Variants in LRFN2 observed in about 807,000 individuals in gnomAD.
The protein encoded by LRFN2 is leucine-rich repeat and fibronectin type-III domain-containing protein 2.
LRFN2 carries 18 observed loss-of-function variants against 37.3 expected under a neutral mutation model. That is an observed-to-expected ratio of 0.48 (90% CI 0.33 to 0.72). The LOEUF (loss-of-function observed/expected upper bound fraction) is 0.72. Among genes scored for constraint, LRFN2 ranks in the 30% least tolerant of loss-of-function variants. The pLI is 0.02. For missense variants in LRFN2, 1,006 were observed against 1,060.7 expected (o/e 0.95, Z 0.72); for synonymous variants, 556 against 466.6 (o/e 1.19, Z -2.47).
intron 1 of LRFN2, among the ~76,000 whole-genome samples, chr6:40,444,371 T>C (rs1420336043): frequency 4.6e-5 from 7 of 152,132 alleles, no homozygotes; most frequent in Admixed American, 3.3e-4. Context: ...TAAATATGAA[T>C]TCAATTTGGT....
intron 2 of LRFN2, among the ~76,000 whole-genome samples, chr6:40,396,813 C>T (rs1219998938): frequency 6.6e-6 from 1 of 151,968 alleles, no homozygotes; most frequent in Non-Finnish European, 1.5e-5. Flanking sequence ...AGCCAGCTAA[C>T]TCAAAACAGC....
chr6:40,580,383 C>G (rs956271516), intron 1 of LRFN2, among the ~76,000 whole-genome samples: 1 of 152,028 alleles, frequency 6.6e-6, no homozygotes, highest in Admixed American at 6.6e-5. Context: ...ATCTGGTCAC[C>G]CTTTGTCTGT....
intron 1 of LRFN2, among the ~76,000 whole-genome samples, chr6:40,491,773 A>T (rs1389974459): frequency 2.1e-4 from 9 of 42,212 alleles, no homozygotes; most frequent in African/African-American, 9.7e-4. Flanking sequence ...TGTTTCCCTC[A>T]CTCTATTTTG....
chr6:40,522,483 G>A (rs1766108684), intron 1 of LRFN2, among the ~76,000 whole-genome samples: 1 of 152,154 alleles, frequency 6.6e-6, no homozygotes, highest in Non-Finnish European at 1.5e-5. Context: ...GAAGTGGGTA[G>A]GTGAGGCAGA....
At chr6:40,567,401 G>A (rs759371849) in intron 1 of LRFN2, among the ~76,000 whole-genome samples, 6 of 152,154 alleles carry the variant, frequency 3.9e-5, no homozygotes, top group Non-Finnish European at 5.9e-5. Context: ...GACTGATGCT[G>A]CCTTGGCTAA....
Position 40,505,711 on chromosome 6 carries a change from G to A in LRFN2, c.-18-72580C>T, listed in dbSNP as rs189761978. On this transcript the variant is annotated intron_variant, in intron 1 of 2. Transcript: ENST00000338305. ...GCCTAGGGCAGGGGCCTCTAGGGTG[G>A]CACTCAGTGGAGTTGGCTGTGGGAC... Among the ~76,000 whole-genome samples, 624 of 152,242 alleles carry A rather than the reference G, an allele frequency of 4.1e-3. 3 individuals are homozygous for A. Among genetic ancestry groups the A allele is most frequent in the Middle Eastern group, 0.01 (3 of 294 alleles).
chr6:40,478,120 C>T (rs1764748274), intron 1 of LRFN2, among the ~76,000 whole-genome samples: 1 of 152,126 alleles, frequency 6.6e-6, no homozygotes, highest in Admixed American at 6.5e-5. Context: ...TGCCAGGACG[C>T]ACCCCTGCTG....
intron 1 of LRFN2, among the ~76,000 whole-genome samples, chr6:40,494,979 C>G (rs1217330981): frequency 6.6e-6 from 1 of 152,222 alleles, no homozygotes; most frequent in Non-Finnish European, 1.5e-5. Flanking sequence ...AATCCCCAAC[C>G]CTGGTTAAAC....
chr6:40,392,102 G>C lies in LRFN2; in HGVS notation c.2211C>G (p.Val737=), dbSNP rs1297527229. The change falls in exon 3 of 3, where the codon GTC becomes GTG. Residue 737 remains valine (V), a synonymous_variant. Coordinates refer to ENST00000338305, the MANE Select transcript of LRFN2 (RefSeq NM_020737.3). The surrounding 1 kb of genome is among the most constrained non-coding windows in gnomAD (Gnocchi z 4.7). ...GAGGAGGACTGTAGCCGCCCGGCAC[G>C]ACCCCTCCCGCCGCCGCAGCAGCAA... ...GDFAAAAAGG[V]VPGGYSPPRK... is the part of the protein sequence containing the mutation. 1.9e-6 allele frequency: 3 copies of C among 1,613,192 alleles called. No homozygotes were observed. The highest frequency in any genetic ancestry group is 2.2e-5 in the East Asian group (1 of 44,866).
At chr6:40,436,624 T>C (rs1360356740) in intron 1 of LRFN2, among the ~76,000 whole-genome samples, 1 of 151,940 alleles carries the variant, frequency 6.6e-6, no homozygotes. Context: ...CTCACCAAGC[T>C]CCCACCTAAG....
intron 1 of LRFN2, among the ~76,000 whole-genome samples, chr6:40,532,532 A>G (rs1232810647): frequency 6.6e-6 from 1 of 152,208 alleles, no homozygotes; most frequent in Non-Finnish European, 1.5e-5. Flanking sequence ...AGGAAGTGGC[A>G]TAGTTGAAGA....
intron 1 of LRFN2, among the ~76,000 whole-genome samples, chr6:40,487,827 G>A (rs2113867814): frequency 6.6e-6 from 1 of 152,326 alleles, no homozygotes; most frequent in East Asian, 1.9e-4. Flanking sequence ...GAGGTATCCT[G>A]TGCCTTTCAT....
chr6:40,512,770 G>A (rs1456583808), intron 1 of LRFN2, among the ~76,000 whole-genome samples: 10 of 152,200 alleles, frequency 6.6e-5, no homozygotes, highest in Non-Finnish European at 1.5e-4. Flanking sequence ...AGAGACACAC[G>A]TCCTTTATGC....
chr6:40,571,433 G>C (rs1295031367), intron 1 of LRFN2, among the ~76,000 whole-genome samples: 1 of 152,186 alleles, frequency 6.6e-6, no homozygotes, highest in Non-Finnish European at 1.5e-5. Context: ...CACCCACCAT[G>C]GGAAAGCAGT....
intron 1 of LRFN2, among the ~76,000 whole-genome samples, chr6:40,527,795 T>C (rs1766279081): frequency 6.6e-6 from 1 of 152,218 alleles, no homozygotes; most frequent in Non-Finnish European, 1.5e-5. Context: ...CTTAAGGCAT[T>C]TGAAACTACG....
At chr6:40,584,951 A>G (rs1439689752) in intron 1 of LRFN2, among the ~76,000 whole-genome samples, 12 of 151,756 alleles carry the variant, frequency 7.9e-5, no homozygotes. Context: ...TTTTCTTCCC[A>G]TCTATCTTGC....
chr6:40,523,505 ATTTTTTTTTTTT>A (rs751179915), intron 1 of LRFN2, among the ~76,000 whole-genome samples: 5 of 129,320 alleles, frequency 3.9e-5, no homozygotes, highest in African/African-American at 5.6e-5. Flanking sequence ...TCTTTAGGTG[ATTTTTTTTTTTT>A]TTTTTTTTTT....
intron 1 of LRFN2, among the ~76,000 whole-genome samples, chr6:40,546,443 G>T (rs1232460015): frequency 2.6e-5 from 4 of 152,292 alleles, no homozygotes; most frequent in Non-Finnish European, 4.4e-5. Flanking sequence ...CCTGATTCAG[G>T]TTTATTAGGG....
In LRFN2 at chr6:40,392,621, G is replaced by T. The variant is rs1486098002; in HGVS notation, c.1692C>A (p.Ala564=). Residue 564 remains alanine (A), a synonymous_variant, in exon 3 of 3, where the codon GCC becomes GCA. Transcript: ENST00000338305. The surrounding 1 kb of genome is among the most constrained non-coding windows in gnomAD (Gnocchi z 4.7). ...TCACGGCCGCTGCCATCTTGCTGGG[G>T]GCCTCGTGGTTGCAGACCTTGTAGC... is the stretch of plus-strand genomic sequence containing the variant. ...MVRYKVCNHE[A]PSKMAAAVSN... is the part of the protein sequence containing the mutation. 2 of 1,610,978 alleles carry T rather than the reference G, an allele frequency of 1.2e-6. No individual in the cohort carries two copies. Among genetic ancestry groups the T allele is most frequent in the Admixed American group, 3.3e-5 (2 of 60,034 alleles).
Sources: gnomAD v4.1 joint callset for allele counts (sites outside exome capture counted in the v4.1 genomes callset) on GRCh38, gnomAD v4.1.1 for gene constraint, Gnocchi (gnomAD v3.1) non-coding constraint, MANE v1.5 for transcripts, NCBI Gene and HGNC (gene_info 2026-07-23, HGNC 2026-07-21) for gene names.